The following ADAMTSL1 variants were observed in gnomAD, a reference collection of about 807,000 sequenced individuals.
The protein encoded by ADAMTSL1 is ADAMTS like 1, also known as ADAMTS-like protein 1.
A neutral mutation model predicts 201.8 loss-of-function variants in ADAMTSL1; 126 were observed. The observed-to-expected ratio is 0.62, with a 90% CI of 0.54 to 0.72. The LOEUF is 0.72. Among genes scored for constraint, ADAMTSL1 ranks in the 30% least tolerant of loss-of-function variants. The probability of loss-of-function intolerance (pLI) is 0.00; values close to 1 mark genes in which losing one functional copy is unlikely to be tolerated. For missense variants in ADAMTSL1, 2,679 were observed against 2,277.8 expected (o/e 1.18, Z -3.59); for synonymous variants, 1,121 against 903.4 (o/e 1.24, Z -4.32).
chr9:18,281,862 AC>A (rs1563855679), intron 2 of ADAMTSL1, among the ~76,000 whole-genome samples: 1 of 152,174 alleles, frequency 6.6e-6, no homozygotes, highest in Non-Finnish European at 1.5e-5. Flanking sequence ...GAGCCACTGC[AC>A]CTGGCCCCAT....
chr9:18,811,021 A>AAC (rs1823468993), intron 20 of ADAMTSL1, among the ~76,000 whole-genome samples: 2 of 149,362 alleles, frequency 1.3e-5, no homozygotes, highest in Admixed American at 6.6e-5. Flanking sequence ...CCAAAAAAAA[A>AAC]AAAAAAAAAA....
At chr9:18,887,560 TA>T (rs762670457) in intron 23 of ADAMTSL1, among the ~76,000 whole-genome samples, 8 of 152,240 alleles carry the variant, frequency 5.3e-5, no homozygotes, top group Non-Finnish European at 1.2e-4. Context: ...TATCTTTTTT[TA>T]AAGTTAGTAT....
At chr9:18,726,951 A>G (rs1817932426) in intron 15 of ADAMTSL1, among the ~76,000 whole-genome samples, 1 of 152,216 alleles carries the variant, frequency 6.6e-6, no homozygotes, top group South Asian at 2.1e-4. Flanking sequence ...AGAACCAGCA[A>G]GAGCTATAAA....
intron 2 of ADAMTSL1, among the ~76,000 whole-genome samples, chr9:18,273,052 G>A (rs1222222200): frequency 6.6e-6 from 1 of 152,168 alleles, no homozygotes; most frequent in Non-Finnish European, 1.5e-5. Flanking sequence ...TCTTTTGTGT[G>A]CAGAAGGATG....
chr9:18,308,508 C>T (rs1833995180), intron 2 of ADAMTSL1, among the ~76,000 whole-genome samples: 1 of 152,118 alleles, frequency 6.6e-6, no homozygotes, highest in Admixed American at 6.5e-5. Context: ...AAGAGGATAT[C>T]ACCACCGATC....
At chr9:18,826,842 C>G (rs1202311355) in intron 22 of ADAMTSL1, among the ~76,000 whole-genome samples, 1 of 152,172 alleles carries the variant, frequency 6.6e-6, no homozygotes. Context: ...CTTTGAGAAT[C>G]AGATAAAAAC....
intron 2 of ADAMTSL1, among the ~76,000 whole-genome samples, chr9:18,169,444 G>A (rs1314265930): frequency 1.3e-5 from 2 of 151,982 alleles, no homozygotes; most frequent in African/African-American, 4.8e-5. Context: ...GTAGATATGT[G>A]GCATTATTTC....
intron 2 of ADAMTSL1, among the ~76,000 whole-genome samples, chr9:18,516,087 C>CAAAAAAAAAAAAA (rs11418722): frequency 3.2e-4 from 42 of 131,066 alleles, no homozygotes; most frequent in Non-Finnish European, 5.2e-4. Flanking sequence ...CCTCAACTAC[C>CAAAAAAAAAAAAA]AAAAAAAAAA....
intron 5 of ADAMTSL1, among the ~76,000 whole-genome samples, chr9:18,632,658 TGACACTAAAA>T (rs1452291401): frequency 6.6e-6 from 1 of 152,174 alleles, no homozygotes; most frequent in Admixed American, 6.5e-5. Context: ...GCATGGAGCC[TGACACTAAAA>T]GACACTCAAA....
intron 1 of ADAMTSL1, among the ~76,000 whole-genome samples, chr9:18,063,193 A>G (rs1465738174): frequency 6.6e-6 from 1 of 152,082 alleles, no homozygotes; most frequent in African/African-American, 2.4e-5. Context: ...AAACGTTTTT[A>G]AAAAAGTTAG....
chr9:18,427,904 G>C (rs1819297945), intron 2 of ADAMTSL1, among the ~76,000 whole-genome samples: 1 of 152,238 alleles, frequency 6.6e-6, no homozygotes, highest in Admixed American at 6.5e-5. Flanking sequence ...GATGTGCTTA[G>C]TTCTTGGTAA....
intron 2 of ADAMTSL1, among the ~76,000 whole-genome samples, chr9:18,269,347 A>G (rs936660747): frequency 1.3e-5 from 2 of 152,152 alleles, no homozygotes; most frequent in African/African-American, 4.8e-5. Flanking sequence ...CATGTATTAC[A>G]TGAAGGAATA....
chr9:18,115,131 A>T (rs1390994285), intron 1 of ADAMTSL1, among the ~76,000 whole-genome samples: 1 of 152,282 alleles, frequency 6.6e-6, no homozygotes, highest in Middle Eastern at 3.4e-3. Context: ...AAATCCCTAG[A>T]CAGATTTCCA....
At chr9:17,952,341 A>T (rs1273759939) in intron 1 of ADAMTSL1, among the ~76,000 whole-genome samples, 2 of 152,050 alleles carry the variant, frequency 1.3e-5, no homozygotes, top group Admixed American at 6.6e-5. Flanking sequence ...TATTTCTCTG[A>T]AAGTTTTATT....
chr9:18,498,945 A>G (rs1822685591), intron 1 of ADAMTSL1, among the ~76,000 whole-genome samples: 1 of 152,274 alleles, frequency 6.6e-6, no homozygotes, highest in African/African-American at 2.4e-5. Flanking sequence ...CTCCAGGCTT[A>G]GTGCAGTTAG....
At chr9:17,948,065 C>G (rs1463247467) in intron 1 of ADAMTSL1, among the ~76,000 whole-genome samples, 1 of 152,122 alleles carries the variant, frequency 6.6e-6, no homozygotes, top group Non-Finnish European at 1.5e-5. Context: ...ATGTTACATG[C>G]TCATCATCAA....
chr9:18,363,029 C>A (rs1245964755), intron 2 of ADAMTSL1, among the ~76,000 whole-genome samples: 1 of 152,194 alleles, frequency 6.6e-6, no homozygotes, highest in Non-Finnish European at 1.5e-5. Context: ...CAAAAGGACT[C>A]AAGCTAGCCA....
chr9:18,132,185 TC>T (rs547138951), intron 1 of ADAMTSL1, among the ~76,000 whole-genome samples: 4 of 152,202 alleles, frequency 2.6e-5, no homozygotes, highest in African/African-American at 9.6e-5. Flanking sequence ...AAAAGTGCTG[TC>T]CCCGGGGAAA....
At chr9:18,779,192 C>T (rs1268350214) in intron 19 of ADAMTSL1, among the ~76,000 whole-genome samples, 2 of 152,208 alleles carry the variant, frequency 1.3e-5, no homozygotes, top group Non-Finnish European at 2.9e-5. Context: ...CTGAAACAAG[C>T]ATTCAATATC....
Sources: gnomAD v4.1 joint callset for allele counts (sites outside exome capture counted in the v4.1 genomes callset) on GRCh38, gnomAD v4.1.1 for gene constraint, MANE v1.5 for transcripts, NCBI Gene and HGNC (gene_info 2026-07-23, HGNC 2026-07-21) for gene names.